Variants in RGS6 observed in about 807,000 individuals in gnomAD.
RGS6 encodes the protein regulator of G protein signaling 6.
RGS6 carries 30 observed loss-of-function variants against 78.5 expected under a neutral mutation model. The ratio of observed to expected loss-of-function variants is 0.38; its 90% CI spans 0.29 to 0.52. The LOEUF (loss-of-function observed/expected upper bound fraction) is 0.52, where lower values mean the gene tolerates loss of function less well. Among genes scored for constraint, RGS6 ranks in the 20% least tolerant of loss-of-function variants. The probability of loss-of-function intolerance (pLI) is 0.85; values close to 1 mark genes in which losing one functional copy is unlikely to be tolerated. For missense variants in RGS6, 495 were observed against 609.7 expected (o/e 0.81, Z 1.98); for synonymous variants, 206 against 206.0 (o/e 1.00, Z 0.00).
chr14:72,311,115 T>C (rs2068516541), intron 2 of RGS6, among the ~76,000 whole-genome samples: 1 of 152,200 alleles, frequency 6.6e-6, no homozygotes, highest in South Asian at 2.1e-4. Context: ...TTAGTCCTAA[T>C]TTCCTACAAG....
At chr14:72,106,485 C>G (rs2095635520) in intron 2 of RGS6, among the ~76,000 whole-genome samples, 1 of 152,138 alleles carries the variant, frequency 6.6e-6, no homozygotes, top group Non-Finnish European at 1.5e-5. Context: ...CACTTTGAAA[C>G]CAGCACCTAG....
intron 2 of RGS6, among the ~76,000 whole-genome samples, chr14:72,058,419 G>C (rs1471470875): frequency 2.0e-5 from 3 of 151,388 alleles, no homozygotes; most frequent in Non-Finnish European, 4.4e-5. Context: ...AAAATCACAT[G>C]GTTATTTATC....
chr14:72,255,857 A>G (rs749089743), intron 2 of RGS6, among the ~76,000 whole-genome samples: 2 of 152,250 alleles, frequency 1.3e-5, no homozygotes, highest in African/African-American at 2.4e-5. Context: ...ACTAAGTGAT[A>G]ACTTAGAAAG....
At chr14:72,137,280 G>A (rs2096459286) in intron 2 of RGS6, among the ~76,000 whole-genome samples, 2 of 152,312 alleles carry the variant, frequency 1.3e-5, no homozygotes, top group South Asian at 2.1e-4. Context: ...ATGGTAGGTA[G>A]CAGAATATTT....
chr14:72,302,185 C>A (rs2066215564), intron 2 of RGS6, among the ~76,000 whole-genome samples: 1 of 152,226 alleles, frequency 6.6e-6, no homozygotes, highest in African/African-American at 2.4e-5. Flanking sequence ...TCAATTATAA[C>A]AATAGCTGCT....
intron 3 of RGS6, among the ~76,000 whole-genome samples, chr14:72,401,279 A>G (rs1026969398): frequency 5.9e-5 from 9 of 152,090 alleles, no homozygotes; most frequent in African/African-American, 2.2e-4. Context: ...TGTTGGATCA[A>G]TTCTTAAGGA....
At chr14:72,135,617 CTT>C (rs144337428) in intron 2 of RGS6, among the ~76,000 whole-genome samples, 1 of 149,556 alleles carries the variant, frequency 6.7e-6, no homozygotes, top group Admixed American at 6.7e-5. Flanking sequence ...GCCTAATATT[CTT>C]TTTTTTTTCC....
At chr14:71,922,250 A>G in the RGS6 span, among the ~76,000 whole-genome samples, 7 of 152,164 alleles carry the variant, frequency 4.6e-5, no homozygotes, top group African/African-American at 1.7e-4. Context: ...CTAATTCATC[A>G]ACAAGTTTTA....
At chr14:72,001,757 A>G (rs1251311810) in intron 2 of RGS6, among the ~76,000 whole-genome samples, 3 of 152,084 alleles carry the variant, frequency 2.0e-5, no homozygotes, top group African/African-American at 7.2e-5. Context: ...TTCCTCATCT[A>G]TATTTAAACA....
the RGS6 span, among the ~76,000 whole-genome samples, chr14:71,878,018 T>C: frequency 1.3e-5 from 2 of 152,132 alleles, no homozygotes; most frequent in South Asian, 4.1e-4. Context: ...GAACAGCAAA[T>C]GTTGCTGCCT....
At chr14:71,899,962 G>T in the RGS6 span, among the ~76,000 whole-genome samples, 1 of 152,288 alleles carries the variant, frequency 6.6e-6, no homozygotes, top group East Asian at 1.9e-4. Context: ...TATCTCAGAG[G>T]ACATTAACTC....
At chr14:72,606,383 G>A in the RGS6 span, among the ~76,000 whole-genome samples, 1 of 152,168 alleles carries the variant, frequency 6.6e-6, no homozygotes, top group African/African-American at 2.4e-5. Flanking sequence ...ACAAGATCTA[G>A]AACTTCTGAT....
In RGS6 at chr14:72,299,942, C is replaced by G. The variant is rs551579810; in HGVS notation, c.85-52153C>G. ...TAAATTTTATTAGCTCTTTAAAGTG[C>G]CGACTTTTGGTTTTATCATTTTTCT... On this transcript the variant is annotated intron_variant, in intron 2 of 17. Coordinates refer to ENST00000553525, the MANE Select transcript of RGS6 (RefSeq NM_001204424.2). Among the ~76,000 whole-genome samples, 8 of 151,952 alleles carry G rather than the reference C, an allele frequency of 5.3e-5. No individual in the cohort carries two copies. In the East Asian group the frequency reaches 1.4e-3, roughly 26 times the overall value.
chr14:72,178,396 G>A (rs998055150), intron 2 of RGS6, among the ~76,000 whole-genome samples: 7 of 152,184 alleles, frequency 4.6e-5, no homozygotes, highest in African/African-American at 1.7e-4. Context: ...CATATTACCA[G>A]AGGCCAGTCT....
rs565189955 is a variant in RGS6 at position 72,509,235 on chromosome 14, C to T, written c.966-919C>T. ...AAAAAATTAGCCAGACGTGGTGGTA[C>T]GCACCTGTAGTCCCCGCTATTCGGG... On this transcript the variant is annotated intron_variant, in intron 13 of 17. Coordinates refer to ENST00000553525, the MANE Select transcript of RGS6 (RefSeq NM_001204424.2). Among the ~76,000 whole-genome samples, 7 of 152,016 alleles carry T rather than the reference C, an allele frequency of 4.6e-5. No individual in the cohort carries two copies. In the South Asian group the frequency reaches 6.3e-4, roughly 14 times the overall value.
At chr14:72,609,334 G>A in the RGS6 span, among the ~76,000 whole-genome samples, 5 of 152,194 alleles carry the variant, frequency 3.3e-5, no homozygotes, top group Non-Finnish European at 7.3e-5. Context: ...GTCCTGGCAC[G>A]TGGGCCACCA....
chr14:72,250,642 C>T (rs904781027), intron 2 of RGS6, among the ~76,000 whole-genome samples: 9 of 152,054 alleles, frequency 5.9e-5, no homozygotes, highest in African/African-American at 2.2e-4. Context: ...CCTATAAACT[C>T]AAGAAAAAGC....
At chr14:72,437,902 T>C (rs1656633397) in intron 3 of RGS6, among the ~76,000 whole-genome samples, 1 of 152,238 alleles carries the variant, frequency 6.6e-6, no homozygotes, top group African/African-American at 2.4e-5. Context: ...GATTTAGTGA[T>C]AGACAAGTCA....
chr14:72,301,530 G>A (rs2066059253), intron 2 of RGS6, among the ~76,000 whole-genome samples: 1 of 151,964 alleles, frequency 6.6e-6, no homozygotes, highest in Non-Finnish European at 1.5e-5. Flanking sequence ...AAACTATCCT[G>A]GTCAGAAGCT....
Sources: allele counts gnomAD v4.1 joint callset (sites outside exome capture counted in the v4.1 genomes callset), GRCh38; gene constraint gnomAD v4.1.1; transcripts MANE v1.5; gene names NCBI Gene and HGNC (gene_info 2026-07-23, HGNC 2026-07-21).